TCTN1: variants seen among roughly 807,000 people sequenced by gnomAD.
TCTN1 encodes tectonic family member 1.
In TCTN1, 58 loss-of-function variants were observed where a neutral mutation model predicts 65.8. That is an observed-to-expected ratio of 0.88 (90% confidence interval 0.71 to 1.10). The LOEUF is 1.10. TCTN1 is among the 50% of genes least tolerant of loss of function. TCTN1 has a pLI of 0.00. For missense variants in TCTN1, 645 were observed against 719.4 expected, an observed-to-expected ratio of 0.90 and a Z score of 1.18; for synonymous variants, 273 against 289.1, an observed-to-expected ratio of 0.94 and a Z score of 0.57.
chr12:110,639,435 C>T lies in TCTN1; in HGVS notation c.844-948C>T, dbSNP rs1266838173. Reference sequence around the variant, plus strand: ...CTCATAATCCTACCACCCAGAGAAACCACTGTGTGTGTGTGTGTGTGTGTG... The same window carrying T: ...CTCATAATCCTACCACCCAGAGAAATCACTGTGTGTGTGTGTGTGTGTGTG... On this transcript the variant is annotated intron_variant, in intron 7 of 14. Transcript: ENST00000397659. The surrounding 1 kb of genome is among the most constrained non-coding windows in gnomAD (Gnocchi z 4.9). Among the ~76,000 whole-genome samples the T allele has an allele frequency of 2.6e-5, 4 of 151,216 alleles. No individual in the cohort carries two copies. Among genetic ancestry groups the T allele is most frequent in the African/African-American group, 9.7e-5 (4 of 41,062 alleles).
At chr12:110,641,498 T>G (rs1019730332) in intron 9 of TCTN1, 44 bp from the exon 10 acceptor site, 1 of 1,560,300 alleles carries the variant, frequency 6.4e-7, no homozygotes, top group Non-Finnish European at 8.8e-7. Context: ...CATTTCCTTA[T>G]TAAAATGAGA....
intron 3 of TCTN1, 107 bp from the exon 4 acceptor site, chr12:110,628,660 A>C (rs2066015867): frequency 9.9e-7 from 1 of 1,008,300 alleles, no homozygotes; most frequent in Admixed American, 2.4e-5. Flanking sequence ...TTTGTTTTTT[A>C]CATCAGCCTT....
At chr12:110,627,139 C>T (rs1243727959) in intron 3 of TCTN1, among the ~76,000 whole-genome samples, 1 of 147,986 alleles carries the variant, frequency 6.8e-6, no homozygotes, top group African/African-American at 2.5e-5. Context: ...ACTCTGTTGC[C>T]CAGGTTGGAA....
chr12:110,624,240 A>G (rs989556643), intron 2 of TCTN1, among the ~76,000 whole-genome samples: 41 of 151,592 alleles, frequency 2.7e-4, no homozygotes, highest in Admixed American at 1.6e-3. Flanking sequence ...TTTTTGAGAT[A>G]GGTCTTGCTC....
Position 110,640,719 on chromosome 12 carries a change from A to T in TCTN1, c.978+202A>T, listed in dbSNP as rs1438086984. Reference sequence around the variant, plus strand: ...CAAACTTAGTGACTTGCCGGAATACATCAAAATATTTTTGTTGTTGCTGTT... The same window carrying T: ...CAAACTTAGTGACTTGCCGGAATACTTCAAAATATTTTTGTTGTTGCTGTT... On this transcript the variant is annotated intron_variant, in intron 8 of 14. Transcript: ENST00000397659. The surrounding 1 kb of genome is among the most constrained non-coding windows in gnomAD (Gnocchi z 4.9). Among the ~76,000 whole-genome samples, 11 of 152,310 alleles carry T rather than the reference A, an allele frequency of 7.2e-5. 1 individual carries two copies. The highest frequency in any genetic ancestry group is 4.6e-4 in the Admixed American group (7 of 15,292).
chr12:110,620,481 A>G (rs1451660117), intron 2 of TCTN1, among the ~76,000 whole-genome samples: 1 of 152,136 alleles, frequency 6.6e-6, no homozygotes, highest in Non-Finnish European at 1.5e-5. Context: ...AAGAGAGAAT[A>G]TACATTAAAA....
chr12:110,615,569 C>T (rs895460812), intron 1 of TCTN1, among the ~76,000 whole-genome samples: 1 of 152,188 alleles, frequency 6.6e-6, no homozygotes, highest in African/African-American at 2.4e-5. Context: ...AAGTCTCAAT[C>T]TGCTGGGCTC....
intron 5 of TCTN1, among the ~76,000 whole-genome samples, chr12:110,633,603 C>G (rs1273434257): frequency 2.0e-5 from 3 of 151,654 alleles, no homozygotes; most frequent in Non-Finnish European, 4.4e-5. Flanking sequence ...CACCACTGCA[C>G]TCCATCCTGG....
chr12:110,628,766 G>A lies in TCTN1; in HGVS notation c.473-1G>A. Reference sequence around the variant, plus strand: ...AAAATACTGTTTTTTTTAAAAAACAGATAAACCTGCATTATCCTTTATTAA... The same window carrying A: ...AAAATACTGTTTTTTTTAAAAAACAAATAAACCTGCATTATCCTTTATTAA... On this transcript the variant is annotated splice_acceptor_variant, in intron 3 of 14. Coordinates refer to ENST00000397659, the MANE Select transcript of TCTN1 (RefSeq NM_001082538.3). LOFTEE classifies it high-confidence loss of function. 1.9e-6 allele frequency: 3 copies of A among 1,598,100 alleles called. No homozygotes were observed. The highest frequency in any genetic ancestry group is 2.6e-6 in the Non-Finnish European group (3 of 1,168,022).
chr12:110,632,822 G>T (rs192942267), intron 5 of TCTN1, among the ~76,000 whole-genome samples: 11 of 152,242 alleles, frequency 7.2e-5, no homozygotes, highest in African/African-American at 2.6e-4. Flanking sequence ...TGCAGTCACT[G>T]CTTGAGCACT....
intron 6 of TCTN1, 125 bp downstream of exon 6, chr12:110,634,904 G>C: frequency 1.4e-6 from 1 of 695,590 alleles, no homozygotes; most frequent in African/African-American, 1.8e-5. Flanking sequence ...AATTTCTCCA[G>C]TACTTTTATA....
chr12:110,630,232 A>G (rs569749027), intron 4 of TCTN1: 1 of 152,332 alleles, frequency 6.6e-6, no homozygotes, highest in South Asian at 2.1e-4. Flanking sequence ...AATAATAAAA[A>G]TAAAACTGAA....
Position 110,614,175 on chromosome 12 carries a change from C to T in TCTN1, c.-8C>T, listed in dbSNP as rs886038410. 4.5e-6 allele frequency: 7 copies of T among 1,550,754 alleles called. No homozygotes were observed. In the Middle Eastern group the frequency reaches 8.9e-4, roughly 197 times the overall value. On this transcript the variant is annotated 5_prime_UTR_variant, in exon 1 of 15. Coordinates refer to ENST00000397659, the MANE Select transcript of TCTN1 (RefSeq NM_001082538.3). Reference sequence around the variant, plus strand: ...CATGTCGCGGGCCTCGCTGGGACTCCCTGGGAGATGAGGCCGCGAGGTCTC... The same window carrying T: ...CATGTCGCGGGCCTCGCTGGGACTCTCTGGGAGATGAGGCCGCGAGGTCTC...
chr12:110,632,514 C>A lies in TCTN1; in HGVS notation c.667C>A (p.Pro223Thr). Residue 223 changes from proline to threonine, a missense_variant, in exon 5 of 15, where the codon CCT (proline) becomes ACT (threonine). Coordinates refer to ENST00000397659, the MANE Select transcript of TCTN1 (RefSeq NM_001082538.3). ...LQTSDSFLRF[P>T]SSLTSSLCTD... Reference sequence around the variant, plus strand: ...GACTTCAGATTCGTTTCTGAGATTTCCTTCGTCCCTGACATCATCTCTGTG... The same window carrying A: ...GACTTCAGATTCGTTTCTGAGATTTACTTCGTCCCTGACATCATCTCTGTG... 7 of 1,614,044 alleles carry A rather than the reference C, an allele frequency of 4.3e-6. No individual in the cohort carries two copies. The highest frequency in any genetic ancestry group is 5.9e-6 in the Non-Finnish European group (7 of 1,179,954).
intron 1 of TCTN1, among the ~76,000 whole-genome samples, chr12:110,617,625 T>TTTC (rs2135875274): frequency 6.6e-6 from 1 of 151,408 alleles, no homozygotes; most frequent in South Asian, 2.1e-4. Context: ...GGGATACATT[T>TTTC]TTCTTTTCTC....
rs1220519496 is a variant in TCTN1 at position 110,647,808 on chromosome 12, G to A, written c.1695G>A (p.Val565=). The change falls in exon 14 of 15, where the codon GTG becomes GTA. Residue 565 remains valine, a synonymous_variant. Coordinates refer to ENST00000397659, the MANE Select transcript of TCTN1 (RefSeq NM_001082538.3). ...LISTAVTFVD[V]SAPAEAGFRA... ...CCACTGCGGTTACTTTTGTGGATGT[G>A]TCTGCACCTGCAGAGGCAGGCTTCA... 2 of 1,614,184 alleles carry A rather than the reference G, an allele frequency of 1.2e-6. No individual in the cohort carries two copies. Among genetic ancestry groups the A allele is most frequent in the South Asian group, 1.1e-5 (1 of 91,082 alleles).
chr12:110,646,957 G>A (rs928068309), intron 12 of TCTN1: 5 of 512,318 alleles, frequency 9.8e-6, no homozygotes, highest in African/African-American at 3.9e-5. Flanking sequence ...AGGTGATGTC[G>A]GCATTTTTAG....
rs2067071459 is a variant in TCTN1, at chr12:110,643,109, C to T, written c.1331+720C>T. Among the ~76,000 whole-genome samples the T allele has an allele frequency of 2.7e-5, 4 of 149,022 alleles. No homozygotes were observed. In the Admixed American group the frequency reaches 2.7e-4, roughly 10 times the overall value. On this transcript the variant is annotated intron_variant, in intron 11 of 14. Coordinates refer to ENST00000397659, the MANE Select transcript of TCTN1 (RefSeq NM_001082538.3). Reference sequence around the variant, plus strand: ...GTAGAGACAGGATCTCACTATGTTGCCCAGGCTGATGTTGAACTCCTGGGC... The same window carrying T: ...GTAGAGACAGGATCTCACTATGTTGTCCAGGCTGATGTTGAACTCCTGGGC...
intron 11 of TCTN1, 142 bp downstream of exon 11, chr12:110,642,531 A>C: frequency 8.2e-7 from 1 of 1,212,284 alleles, no homozygotes; most frequent in East Asian, 2.5e-5. Flanking sequence ...ATGCATGAAT[A>C]GTAGCAAAAC....
Sources: allele counts gnomAD v4.1 joint callset (sites outside exome capture counted in the v4.1 genomes callset), GRCh38; gene constraint gnomAD v4.1.1; non-coding constraint Gnocchi (gnomAD v3.1); transcripts MANE v1.5; gene names NCBI Gene and HGNC (gene_info 2026-07-23, HGNC 2026-07-21).